FAM13A: variants seen among roughly 807,000 people sequenced by gnomAD.
FAM13A encodes the protein family with sequence similarity 13 member A.
In FAM13A, 76 loss-of-function variants were observed where a neutral mutation model predicts 129.6. The observed-to-expected ratio is 0.59, with a 90% CI of 0.49 to 0.71. The LOEUF (loss-of-function observed/expected upper bound fraction) is 0.71. FAM13A is among the 30% of genes least tolerant of loss of function. The probability of loss-of-function intolerance (pLI) is 0.00; values close to 1 mark genes in which losing one functional copy is unlikely to be tolerated. For synonymous variants in FAM13A, 443 were observed against 449.9 expected (o/e 0.98, Z 0.20); for missense variants, 1,108 against 1,249.3 (o/e 0.89, Z 1.70).
rs746128986 is a variant in FAM13A, at chr4:88,991,079, G to C, written c.499C>G (p.Leu167Val). The C allele has an allele frequency of 1.1e-5, 18 of 1,613,602 alleles. No individual in the cohort carries two copies. The highest frequency in any genetic ancestry group is 1.4e-5 in the Non-Finnish European group (17 of 1,179,502). ...AAGAACTGGCAAAGGTACTTGAGGA[G>C]GCAGTAGTGGGTGTCTGGCAGCTCT... ...IKELPDTHYC[L>V]LKYLCQFLTK... Residue 167 changes from leucine (L) to valine (V), a missense_variant, in exon 4 of 24, where the codon CTC becomes GTC. Leu to Val is a conservative substitution (Grantham distance 32). This residue lies in a region of FAM13A where 566 missense variants were observed against 595.7 expected (regional missense o/e 0.95). Transcript: ENST00000264344.
At chr4:89,049,106 C>G (rs772990624) in intron 1 of FAM13A, among the ~76,000 whole-genome samples, 6 of 152,028 alleles carry the variant, frequency 3.9e-5, no homozygotes, top group African/African-American at 4.8e-5. Flanking sequence ...TATAAAATTA[C>G]AAAGACTTGG....
chr4:88,890,961 A>C (rs1359380427), intron 6 of FAM13A, among the ~76,000 whole-genome samples: 2 of 152,206 alleles, frequency 1.3e-5, no homozygotes, highest in Non-Finnish European at 2.9e-5. Context: ...TATATCCATA[A>C]AAGAAATTGA....
At chr4:88,937,113 C>T (rs995731218) in intron 5 of FAM13A, 4 of 152,250 alleles carry the variant, frequency 2.6e-5, no homozygotes, top group African/African-American at 9.6e-5. Flanking sequence ...CTCCAATTAT[C>T]TCATTTTATC....
At chr4:88,769,369 T>A (rs1229335019) in intron 11 of FAM13A, among the ~76,000 whole-genome samples, 3 of 152,190 alleles carry the variant, frequency 2.0e-5, no homozygotes, top group African/African-American at 7.2e-5. Flanking sequence ...TATAACATAG[T>A]AGTTATGACA....
intron 11 of FAM13A, among the ~76,000 whole-genome samples, chr4:88,773,636 C>T (rs889031670): frequency 6.6e-6 from 1 of 152,086 alleles, no homozygotes; most frequent in African/African-American, 2.4e-5. Flanking sequence ...TCCTTGGACC[C>T]TTTCTTTTTA....
intron 14 of FAM13A, among the ~76,000 whole-genome samples, chr4:88,755,151 C>G (rs2149491689): frequency 6.6e-6 from 1 of 152,266 alleles, no homozygotes; most frequent in African/African-American, 2.4e-5. Context: ...CATGGTTAAT[C>G]CTTAATAAAT....
intron 7 of FAM13A, among the ~76,000 whole-genome samples, chr4:88,844,145 GCCC>G (rs966190808): frequency 1.3e-5 from 2 of 152,102 alleles, no homozygotes; most frequent in African/African-American, 4.8e-5. Context: ...CTGAGTACAT[GCCC>G]CCTCAGTACT....
intron 21 of FAM13A, among the ~76,000 whole-genome samples, chr4:88,734,229 G>T (rs568408265): frequency 1.3e-5 from 2 of 152,156 alleles, no homozygotes; most frequent in African/African-American, 2.4e-5. Flanking sequence ...CAGGTAAGCA[G>T]ACCCTACGAA....
At chr4:88,821,028 C>T (rs13147493) in intron 7 of FAM13A, among the ~76,000 whole-genome samples, 66,845 of 151,966 alleles carry the variant, frequency 0.44, 14,999 homozygotes, top group East Asian at 0.65. Flanking sequence ...AGGCCCATAA[C>T]GGTGGGGAGA....
At chr4:88,881,944 T>A (rs1338523929) in intron 6 of FAM13A, among the ~76,000 whole-genome samples, 3 of 151,602 alleles carry the variant, frequency 2.0e-5, no homozygotes, top group Non-Finnish European at 4.4e-5. Flanking sequence ...AAAAAGAATT[T>A]AAAAAAAATG....
chr4:88,807,820 T>A (rs374636914), intron 7 of FAM13A, among the ~76,000 whole-genome samples: 73 of 152,182 alleles, frequency 4.8e-4, no homozygotes, highest in Admixed American at 1.8e-3. Flanking sequence ...AAACACAAGA[T>A]TTTAATCATA....
At chr4:88,890,663 G>C (rs1424493177) in intron 6 of FAM13A, among the ~76,000 whole-genome samples, 2 of 152,048 alleles carry the variant, frequency 1.3e-5, no homozygotes, top group African/African-American at 4.8e-5. Flanking sequence ...AACAATCAGA[G>C]ATCAATGAAA....
At chr4:89,004,283 C>T (rs768664225) in intron 3 of FAM13A, among the ~76,000 whole-genome samples, 1 of 152,124 alleles carries the variant, frequency 6.6e-6, no homozygotes, top group Non-Finnish European at 1.5e-5. Flanking sequence ...GGATTACAGG[C>T]GTGCACCACC....
chr4:88,945,799 G>GTATATATATATTATATATATATATAAT (rs1755602726), intron 4 of FAM13A, among the ~76,000 whole-genome samples: 2 of 136,548 alleles, frequency 1.5e-5, no homozygotes, highest in African/African-American at 2.7e-5. Flanking sequence ...ATATATATAA[G>GTATATATATATTATATATATATATAAT]TATATATATA....
At chr4:88,868,307 T>C (rs140955914) in intron 6 of FAM13A, among the ~76,000 whole-genome samples, 20 of 152,286 alleles carry the variant, frequency 1.3e-4, no homozygotes, top group Non-Finnish European at 2.6e-4. Context: ...GTAAGTGCCT[T>C]TTCCTTTGGT....
In FAM13A at chr4:88,859,635, G is replaced by C. The variant is rs116622734; in HGVS notation, c.844-8452C>G. The stretch of plus-strand genomic sequence containing the variant: ...AGAGGAAGCATGAAGGGCTTGAGGG[G>C]AAGGAGCAGGACTGCCAGCATGAGG... On this transcript the variant is annotated intron_variant, in intron 6 of 23. Transcript: ENST00000264344. Among the ~76,000 whole-genome samples, 568 of 152,320 alleles carry C rather than the reference G, an allele frequency of 3.7e-3. 1 individual carries two copies. Among genetic ancestry groups the C allele is most frequent in the African/African-American group, 0.013 (547 of 41,558 alleles).
At chr4:88,764,009 A>C (rs900369320) in intron 13 of FAM13A, among the ~76,000 whole-genome samples, 1 of 152,224 alleles carries the variant, frequency 6.6e-6, no homozygotes, top group Admixed American at 6.5e-5. Context: ...AGTCAAAATA[A>C]CAGTCATCCA....
At chr4:88,857,010 C>T (rs373652338) in intron 6 of FAM13A, among the ~76,000 whole-genome samples, 9 of 152,168 alleles carry the variant, frequency 5.9e-5, no homozygotes, top group African/African-American at 2.2e-4. Flanking sequence ...GTTTACTAAA[C>T]TGCTGCTACT....
chr4:88,950,665 T>C (rs999867891), intron 4 of FAM13A, among the ~76,000 whole-genome samples: 7 of 152,330 alleles, frequency 4.6e-5, no homozygotes, highest in South Asian at 4.1e-4. Context: ...ATCTTGAAGA[T>C]AGATGTATAC....
Sources: gnomAD v4.1 joint callset for allele counts (sites outside exome capture counted in the v4.1 genomes callset) on GRCh38, gnomAD v4.1.1 for gene constraint, gnomAD v4.1.1 regional missense constraint, MANE v1.5 for transcripts, NCBI Gene and HGNC (gene_info 2026-07-23, HGNC 2026-07-21) for gene names.